Variants in PXDNL observed in about 807,000 individuals in gnomAD.
The protein encoded by PXDNL is peroxidasin like, also known as probable oxidoreductase PXDNL.
A neutral mutation model predicts 150.8 loss-of-function variants in PXDNL; 145 were observed. The observed-to-expected ratio is 0.96, with a 90% CI of 0.84 to 1.10. PXDNL has a LOEUF of 1.10. Among genes scored for constraint, PXDNL ranks in the 50% least tolerant of loss-of-function variants. PXDNL has a pLI of 0.00. For missense variants in PXDNL, 2,087 were observed against 1,873.9 expected (o/e 1.11, Z -2.10); for synonymous variants, 757 against 725.7 (o/e 1.04, Z -0.69).
chr8:51,660,049 C>T (rs1300350694), intron 1 of PXDNL, among the ~76,000 whole-genome samples: 3 of 151,906 alleles, frequency 2.0e-5, no homozygotes, highest in Non-Finnish European at 2.9e-5. Context: ...ACCACCATGT[C>T]GGGCTAATGT....
chr8:51,524,631 C>T (rs35889669), intron 4 of PXDNL, among the ~76,000 whole-genome samples: 1 of 151,758 alleles, frequency 6.6e-6, no homozygotes, highest in Non-Finnish European at 1.5e-5. Context: ...CCACCATTAA[C>T]TAAAAAAAAA....
At chr8:51,338,500 T>C (rs1805897550) in intron 21 of PXDNL, among the ~76,000 whole-genome samples, 1 of 152,210 alleles carries the variant, frequency 6.6e-6, no homozygotes, top group African/African-American at 2.4e-5. Flanking sequence ...AATGATTAAA[T>C]AAATTGACTG....
intron 3 of PXDNL, among the ~76,000 whole-genome samples, chr8:51,580,235 C>G (rs369847741): frequency 1.2e-4 from 18 of 152,050 alleles, no homozygotes; most frequent in African/African-American, 4.3e-4. Flanking sequence ...TTTATCTTGA[C>G]TGTATCAATG....
At chr8:51,642,101 C>T (rs978155136) in intron 2 of PXDNL, among the ~76,000 whole-genome samples, 1 of 151,358 alleles carries the variant, frequency 6.6e-6, no homozygotes, top group African/African-American at 2.4e-5. Flanking sequence ...TAAACTATCA[C>T]AAGAACAAAA....
intron 1 of PXDNL, among the ~76,000 whole-genome samples, chr8:51,661,657 A>G (rs1563499224): frequency 1.3e-5 from 2 of 152,032 alleles, no homozygotes; most frequent in Non-Finnish European, 1.5e-5. Context: ...GTGTGAGCCA[A>G]TTCCTTAAAA....
chr8:51,486,773 TATATATATATATATATATA>T lies in PXDNL; in HGVS notation c.453-3078_453-3060del, dbSNP rs1810754911. Among the ~76,000 whole-genome samples the T allele has an allele frequency of 1.5e-3, 14 of 9,474 alleles. No homozygotes were observed. In the South Asian group the frequency reaches 0.023, roughly 15 times the overall value. 6.2% of individuals were successfully genotyped at this position (9,474 alleles called of 152,430 possible). A position where few individuals can be genotyped will look rare whatever the true frequency, so the allele number is the denominator to read the frequency against. On this transcript the variant is annotated intron_variant, in intron 5 of 22. Transcript: ENST00000356297. ...GTTTATATATATATATATATATATA[TATATATATATATATATATA>T]TATTTTTTTTTTTTTTTTTTTTTTT...
rs143817590 is a variant in PXDNL at position 51,601,773 on chromosome 8, G to C, written c.237-9075C>G. Reference sequence around the variant, plus strand: ...CCTATTACAAAGTTGTTAGCTATTTGCTTTGTAGTAGTTTCTATTGTGGGT... The same window carrying C: ...CCTATTACAAAGTTGTTAGCTATTTCCTTTGTAGTAGTTTCTATTGTGGGT... On this transcript the variant is annotated intron_variant, in intron 2 of 22. Transcript: ENST00000356297. Among the ~76,000 whole-genome samples the C allele has an allele frequency of 3.3e-3, 500 of 150,750 alleles. 2 individuals carry two copies. Among genetic ancestry groups the C allele is most frequent in the Non-Finnish European group, 6.2e-3 (420 of 67,628 alleles).
At position 51,809,358 on chromosome 8, in the gene PXDNL, G is replaced by A. The variant is rs2037710958; in HGVS notation, c.-14C>T. The A allele has an allele frequency of 3.3e-6, 5 of 1,517,310 alleles. No individual in the cohort carries two copies. Among genetic ancestry groups the A allele is most frequent in the East Asian group, 2.5e-5 (1 of 39,892 alleles). The allele number at this position is 1,517,310 out of a possible 1,614,324, so 94.0% of individuals were successfully genotyped here. A position where few individuals can be genotyped will look rare whatever the true frequency, so the allele number is the denominator to read the frequency against. ...TCTGGGCTCCATCGCTCCATTCGCT[G>A]CTGGCCACGCGAAGAAGCAGCCGGA... On this transcript the variant is annotated 5_prime_UTR_variant, in exon 1 of 23. Transcript: ENST00000356297.
chr8:51,658,386 A>AC (rs1257746923), intron 1 of PXDNL, among the ~76,000 whole-genome samples: 1 of 150,874 alleles, frequency 6.6e-6, no homozygotes, highest in African/African-American at 2.4e-5. Flanking sequence ...AAAAAAAGAA[A>AC]AAAAAGTATG....
At chr8:51,686,277 T>C (rs1450742460) in intron 1 of PXDNL, among the ~76,000 whole-genome samples, 2 of 152,342 alleles carry the variant, frequency 1.3e-5, no homozygotes, top group East Asian at 3.9e-4. Flanking sequence ...GCTTGGCATG[T>C]CCATGTCCCT....
intron 19 of PXDNL, among the ~76,000 whole-genome samples, chr8:51,354,011 C>T (rs1261421712): frequency 6.6e-6 from 1 of 152,070 alleles, no homozygotes; most frequent in African/African-American, 2.4e-5. Context: ...TTCAGTAATT[C>T]TCTTAATGCA....
intron 2 of PXDNL, among the ~76,000 whole-genome samples, chr8:51,641,973 T>C (rs1298409390): frequency 2.6e-5 from 4 of 152,028 alleles, no homozygotes; most frequent in African/African-American, 7.2e-5. Flanking sequence ...CCAACAATGA[T>C]AGACTGGATT....
intron 1 of PXDNL, among the ~76,000 whole-genome samples, chr8:51,715,311 G>A (rs1382126502): frequency 1.3e-5 from 2 of 152,138 alleles, no homozygotes; most frequent in African/African-American, 4.8e-5. Context: ...AGATACACCT[G>A]ATTTTGAATG....
At chr8:51,640,227 A>G (rs372763293) in intron 2 of PXDNL, among the ~76,000 whole-genome samples, 1 of 152,204 alleles carries the variant, frequency 6.6e-6, no homozygotes, top group Admixed American at 6.5e-5. Context: ...GCTATCTATG[A>G]CAAACCCACA....
intron 14 of PXDNL, among the ~76,000 whole-genome samples, chr8:51,416,771 A>G (rs1419796646): frequency 6.6e-6 from 1 of 152,246 alleles, no homozygotes; most frequent in African/African-American, 2.4e-5. Context: ...ATGGAATTGT[A>G]TGCAAATATT....
chr8:51,601,530 A>G (rs1431217841), intron 2 of PXDNL, among the ~76,000 whole-genome samples: 1 of 151,974 alleles, frequency 6.6e-6, no homozygotes. Flanking sequence ...TATCTGATAT[A>G]AGAATAGCAA....
chr8:51,526,767 G>T (rs1174753284), intron 4 of PXDNL, among the ~76,000 whole-genome samples: 1 of 152,170 alleles, frequency 6.6e-6, no homozygotes, highest in Non-Finnish European at 1.5e-5. Flanking sequence ...CTCAGAGAGT[G>T]CCTGGACCAC....
chr8:51,784,605 C>T (rs1044882292), intron 1 of PXDNL, among the ~76,000 whole-genome samples: 70 of 152,236 alleles, frequency 4.6e-4, no homozygotes, highest in African/African-American at 1.6e-3. Flanking sequence ...ATTGGATCAA[C>T]GTCGCATGGA....
At chr8:51,660,217 G>A (rs941613361) in intron 1 of PXDNL, among the ~76,000 whole-genome samples, 12 of 152,148 alleles carry the variant, frequency 7.9e-5, no homozygotes, top group Admixed American at 3.9e-4. Flanking sequence ...AATAGTGTGC[G>A]CAGTACAGAT....
Sources: allele counts gnomAD v4.1 joint callset (sites outside exome capture counted in the v4.1 genomes callset), GRCh38; gene constraint gnomAD v4.1.1; transcripts MANE v1.5; gene names NCBI Gene and HGNC (gene_info 2026-07-23, HGNC 2026-07-21).